Variants in SMARCA2 observed in about 807,000 individuals in gnomAD.
The protein encoded by SMARCA2 is SWI/SNF-related matrix-associated actin-dependent regulator of chromatin subfamily A member 2.
SMARCA2 carries 61 observed loss-of-function variants against 199.8 expected under a neutral mutation model. The observed-to-expected ratio is 0.31, with a 90% confidence interval of 0.25 to 0.38. SMARCA2 has a LOEUF of 0.38. SMARCA2 is among the 10% of genes least tolerant of loss of function. SMARCA2 has a pLI of 1.00. For missense variants in SMARCA2, 1,344 were observed against 2,012.2 expected (o/e 0.67, Z 6.35); for synonymous variants, 935 against 732.0 (o/e 1.28, Z -4.48).
chr9:2,145,023 G>C (rs1824664117), intron 27 of SMARCA2, among the ~76,000 whole-genome samples: 1 of 152,218 alleles, frequency 6.6e-6, no homozygotes, highest in Non-Finnish European at 1.5e-5. Flanking sequence ...AAACGCGCTG[G>C]TTATGGTGGC....
chr9:2,178,152 A>G (rs912422554), intron 29 of SMARCA2, among the ~76,000 whole-genome samples: 5 of 152,052 alleles, frequency 3.3e-5, no homozygotes, highest in East Asian at 3.9e-4. Flanking sequence ...CTCGTACTCT[A>G]TGGTCTCATG....
chr9:2,139,078 A>T (rs1824343496), intron 27 of SMARCA2, among the ~76,000 whole-genome samples: 1 of 152,180 alleles, frequency 6.6e-6, no homozygotes, highest in South Asian at 2.1e-4. Flanking sequence ...ACAGGATGTG[A>T]TGGACAGGAC....
At chr9:2,090,845 G>T (rs4490894) in intron 19 of SMARCA2, among the ~76,000 whole-genome samples, 12,274 of 151,584 alleles carry the variant, frequency 0.081, 1,528 homozygotes, top group African/African-American at 0.27. Context: ...TACTTTTTCA[G>T]CCTTGTTAGG....
chr9:2,182,170 C>G lies in SMARCA2; in HGVS notation c.4389C>G (p.Ser1463Arg), dbSNP rs750471446. The G allele has an allele frequency of 6.2e-7, 1 of 1,612,934 alleles. No homozygotes were observed. The highest frequency in any genetic ancestry group is 8.5e-7 in the Non-Finnish European group (1 of 1,179,036). Residue 1463 changes from serine to arginine, a missense_variant, in exon 31 of 34, where the codon AGC (serine) becomes AGG (arginine). Coordinates refer to ENST00000349721, the MANE Select transcript of SMARCA2 (RefSeq NM_003070.5). ...GGATTCGTAATCATAAGTACCGGAGCCTAGGCGACCTGGAGAAGGATGTCA... is the reference window on the plus strand; with the variant it reads ...GGATTCGTAATCATAAGTACCGGAGGCTAGGCGACCTGGAGAAGGATGTCA... ...KERIRNHKYR[S>R]LGDLEKDVML... is the part of the protein sequence containing the mutation.
Position 2,033,274 on chromosome 9 carries a change from CGAAGTCCTAGTA to C in SMARCA2, c.355+194_355+205del, listed in dbSNP as rs1819156857. The C allele has an allele frequency of 1.1e-5, 6 of 549,906 alleles. No homozygotes were observed. The East Asian group carries it at 1.9e-4, about 18-fold the overall frequency. 34.1% of individuals were successfully genotyped at this position (549,906 alleles called of 1,614,324 possible). A position where few individuals can be genotyped will look rare whatever the true frequency, so the allele number is the denominator to read the frequency against. Reference sequence around the variant, plus strand: ...TGATTTATATGGGAAATTTTATTTCCGAAGTCCTAGTAATTTTACTAGCCACCATGTGTCCAA... The same window carrying C: ...TGATTTATATGGGAAATTTTATTTCCATTTTACTAGCCACCATGTGTCCAA... On this transcript the variant is annotated intron_variant, in intron 3 of 33. Coordinates refer to ENST00000349721, the MANE Select transcript of SMARCA2 (RefSeq NM_003070.5).
At chr9:2,153,407 C>T (rs1284321983) in intron 27 of SMARCA2, among the ~76,000 whole-genome samples, 7 of 151,996 alleles carry the variant, frequency 4.6e-5, no homozygotes, top group Admixed American at 3.9e-4. Flanking sequence ...GTGGTGTGCG[C>T]CTGTAGTCCC....
intron 10 of SMARCA2, chr9:2,072,064 T>A (rs1023685396): frequency 6.6e-6 from 1 of 152,158 alleles, no homozygotes; most frequent in Non-Finnish European, 1.5e-5. Context: ...GAAAGAACCA[T>A]TGGGTATGTG....
At chr9:2,101,893 G>C (rs1471929887) in intron 22 of SMARCA2, among the ~76,000 whole-genome samples, 2 of 152,134 alleles carry the variant, frequency 1.3e-5, no homozygotes, top group African/African-American at 4.8e-5. Context: ...AAGCTTCAAA[G>C]GTTTGTTATT....
At chr9:2,131,166 A>G (rs1386214138) in intron 27 of SMARCA2, among the ~76,000 whole-genome samples, 2 of 152,206 alleles carry the variant, frequency 1.3e-5, no homozygotes, top group Admixed American at 6.5e-5. Context: ...ATTCTAGCTT[A>G]TGTGCTCTGG....
chr9:2,028,250 C>T (rs1586622517), intron 1 of SMARCA2, among the ~76,000 whole-genome samples: 3 of 152,114 alleles, frequency 2.0e-5, no homozygotes, highest in South Asian at 4.1e-4. Flanking sequence ...TTAAACTGTC[C>T]CTCCTGATCA....
In SMARCA2 at chr9:2,019,613, A is replaced by G. The variant is rs185903557; in HGVS notation, c.-37+4209A>G. On this transcript the variant is annotated intron_variant, in intron 1 of 33. Coordinates refer to ENST00000349721, the MANE Select transcript of SMARCA2 (RefSeq NM_003070.5). ...GTGACACTTGTGCAGATAAGTATTTAAAATTTTTTTCTTTTATTAAGTTTA... is the reference window on the plus strand; with the variant it reads ...GTGACACTTGTGCAGATAAGTATTTGAAATTTTTTTCTTTTATTAAGTTTA... 2.0e-5 allele frequency among the ~76,000 whole-genome samples: 3 copies of G among 152,204 alleles called. 1 individual carries two copies. The highest frequency in any genetic ancestry group is 4.4e-5 in the Non-Finnish European group (3 of 68,004).
chr9:2,182,565 C>T (rs1461708077), intron 31 of SMARCA2, among the ~76,000 whole-genome samples: 1 of 138,128 alleles, frequency 7.2e-6, no homozygotes, highest in African/African-American at 2.7e-5. Context: ...GCCTTCTCGG[C>T]TCATGGCAAC....
At position 2,058,485 on chromosome 9, in the gene SMARCA2, G is replaced by A. The variant is rs192857403; in HGVS notation, c.1521+21G>A. The A allele has an allele frequency of 7.6e-3, 12,222 of 1,609,512 alleles. 55 individuals are homozygous for A. Among genetic ancestry groups the A allele is most frequent in the Non-Finnish European group, 9.1e-3 (10,689 of 1,176,764 alleles). ...TGATGGTAAGGAACTCCCTGCAGGAGCCCAGGAAACTACTCAACCCACGTC... is the reference window on the plus strand; with the variant it reads ...TGATGGTAAGGAACTCCCTGCAGGAACCCAGGAAACTACTCAACCCACGTC... On this transcript the variant is annotated intron_variant, in intron 8 of 33. Coordinates refer to ENST00000349721, the MANE Select transcript of SMARCA2 (RefSeq NM_003070.5).
At chr9:2,073,425 C>A in intron 11 of SMARCA2, 83 bp downstream of exon 11, 1 of 1,564,412 alleles carries the variant, frequency 6.4e-7, no homozygotes, top group Non-Finnish European at 8.8e-7. Flanking sequence ...ACTAAAACTA[C>A]ACAGCCTTTG....
chr9:2,116,090 C>A, intron 25 of SMARCA2, 41 bp downstream of exon 25: 1 of 1,427,972 alleles, frequency 7.0e-7, no homozygotes, highest in South Asian at 1.2e-5. Context: ...CAAACAGTGG[C>A]CTTTTGTCTC....
rs529473519 is a variant in SMARCA2 at position 2,186,323 on chromosome 9, C to A, written c.4594+95C>A. ...TCACAGAAGAGACTTTAGAGTGGGG[C>A]AGATCTGGATTGGAGCCCTTATTCC... is the stretch of plus-strand genomic sequence containing the variant. On this transcript the variant is annotated intron_variant, in intron 32 of 33. Transcript: ENST00000349721. 6.5e-4 allele frequency: 862 copies of A among 1,322,778 alleles called. 5 individuals carry two copies. The African/African-American group carries it at 0.013, about 20-fold the overall frequency. The allele number at this position is 1,322,778 out of a possible 1,614,324, so 81.9% of individuals were successfully genotyped here.
intron 29 of SMARCA2, among the ~76,000 whole-genome samples, chr9:2,175,315 C>G (rs970884691): frequency 1.3e-5 from 2 of 150,156 alleles, no homozygotes; most frequent in South Asian, 2.1e-4. Flanking sequence ...CCGCCCCCCC[C>G]CAACAATACA....
chr9:2,180,604 G>A (rs183805526), intron 29 of SMARCA2, among the ~76,000 whole-genome samples: 61 of 152,262 alleles, frequency 4.0e-4, no homozygotes, highest in Admixed American at 7.2e-4. Context: ...TAAGGGGAGT[G>A]AGACTTTTGT....
intron 29 of SMARCA2, 188 bp from the exon 30 acceptor site, chr9:2,181,383 G>A: frequency 2.0e-6 from 1 of 495,172 alleles, no homozygotes; most frequent in Non-Finnish European, 3.6e-6. Context: ...ATTTTACTGT[G>A]ATCTTAAAAT....
Sources: gnomAD v4.1 joint callset for allele counts (sites outside exome capture counted in the v4.1 genomes callset) on GRCh38, gnomAD v4.1.1 for gene constraint, MANE v1.5 for transcripts, NCBI Gene and HGNC (gene_info 2026-07-23, HGNC 2026-07-21) for gene names.